CHD7: variants seen among roughly 807,000 people sequenced by gnomAD.
The protein encoded by CHD7 is chromodomain helicase DNA binding protein 7, also known as ATP-dependent chromatin remodeler CHD7.
A neutral mutation model predicts 307.3 loss-of-function variants in CHD7; 24 were observed. The observed-to-expected ratio is 0.08, with a 90% confidence interval of 0.06 to 0.11. The LOEUF (loss-of-function observed/expected upper bound fraction) is 0.11. CHD7 is among the 10% of genes least tolerant of loss of function. The pLI is 1.00. For synonymous variants in CHD7, 1,363 were observed against 1,349.9 expected, an observed-to-expected ratio of 1.01 and a Z score of -0.21; for missense variants, 3,106 against 3,727.1, an observed-to-expected ratio of 0.83 and a Z score of 4.34.
At chr8:60,791,055 A>G (rs1811751064) in intron 3 of CHD7, among the ~76,000 whole-genome samples, 1 of 152,226 alleles carries the variant, frequency 6.6e-6, no homozygotes. Context: ...TGGTACACCC[A>G]TATGGAGAAT....
At chr8:60,795,245 A>G (rs1400604403) in intron 4 of CHD7, 118 bp downstream of exon 4, 4 of 983,962 alleles carry the variant, frequency 4.1e-6, no homozygotes, top group Non-Finnish European at 5.9e-6. Context: ...AGATGTCTTT[A>G]TTGTAGTCTG....
rs149274076 is a variant in CHD7, at chr8:60,782,554, A to G, written c.2096+1124A>G. On this transcript the variant is annotated intron_variant, in intron 3 of 37. Transcript: ENST00000423902. ...AGCCATTTAGGAAATTTTGCCCTCA[A>G]CACCTTTTATGGTGCCAAAGTAACT... 4.3e-4 allele frequency among the ~76,000 whole-genome samples: 66 copies of G among 152,306 alleles called. No homozygotes were observed. The East Asian group carries it at 9.1e-3, about 21-fold the overall frequency.
At chr8:60,788,715 A>ATCTGGGCAGCGCACTGGG (rs1440074999) in intron 3 of CHD7, among the ~76,000 whole-genome samples, 8 of 152,184 alleles carry the variant, frequency 5.3e-5, no homozygotes, top group Non-Finnish European at 7.4e-5. Flanking sequence ...AGGATTGCAG[A>ATCTGGGCAGCGCACTGGG]CATCTGGGCA....
chr8:60,833,000 A>C (rs113410998), intron 15 of CHD7, among the ~76,000 whole-genome samples: 15 of 152,248 alleles, frequency 9.9e-5, no homozygotes, highest in Middle Eastern at 3.4e-3. Context: ...AAGTGTAGAT[A>C]ACATACAAAC....
At chr8:60,764,635 C>A (rs759124592) in intron 2 of CHD7, among the ~76,000 whole-genome samples, 1 of 152,178 alleles carries the variant, frequency 6.6e-6, no homozygotes, top group African/African-American at 2.4e-5. Flanking sequence ...TTCATTCATT[C>A]ATTCATTCAC....
chr8:60,829,007 T>C (rs1225792541), intron 14 of CHD7, among the ~76,000 whole-genome samples: 4 of 152,238 alleles, frequency 2.6e-5, no homozygotes, highest in Non-Finnish European at 5.9e-5. Flanking sequence ...TTTTTGCTCT[T>C]GTGAAGGGCT....
In CHD7 at chr8:60,856,365, TC is replaced by T. The variant is rs1805707115; in HGVS notation, c.7165-78del. On this transcript the variant is annotated intron_variant, in intron 33 of 37. Transcript: ENST00000423902. ...ATGCTTAATTCCTTAAGCTTCTTGT[TC>T]CTTATTTCTAAAAGCCAGCCCATAT... 1.7e-5 allele frequency: 23 copies of T among 1,378,536 alleles called. No individual in the cohort carries two copies. The South Asian group carries it at 3.4e-4, about 21-fold the overall frequency. The allele number at this position is 1,378,536 out of a possible 1,614,324, so 85.4% of individuals were successfully genotyped here.
chr8:60,811,803 GT>G (rs1384396056), intron 7 of CHD7, among the ~76,000 whole-genome samples: 2 of 151,984 alleles, frequency 1.3e-5, no homozygotes, highest in East Asian at 3.8e-4. Flanking sequence ...TGTCAACAAA[GT>G]ATGCAAACAC....
chr8:60,835,933 A>C, intron 15 of CHD7, 140 bp from the exon 16 acceptor site: 2 of 648,582 alleles, frequency 3.1e-6, no homozygotes, highest in Admixed American at 5.3e-5. Flanking sequence ...AACTATGAGT[A>C]AGTGGATGGA....
At chr8:60,840,607 C>T (rs976509207) in intron 19 of CHD7, among the ~76,000 whole-genome samples, 2 of 143,982 alleles carry the variant, frequency 1.4e-5, no homozygotes, top group Non-Finnish European at 3.0e-5. Context: ...ATAATTTTAC[C>T]TTTTAAAGAA....
chr8:60,848,905 T>G, intron 24 of CHD7, 146 bp from the exon 25 acceptor site: 1 of 704,496 alleles, frequency 1.4e-6, no homozygotes, highest in Admixed American at 2.1e-5. Context: ...GGCTACTGAC[T>G]CATGCCCTTT....
At chr8:60,831,537 C>G (rs1005284518) in intron 15 of CHD7, among the ~76,000 whole-genome samples, 2 of 151,840 alleles carry the variant, frequency 1.3e-5, no homozygotes, top group African/African-American at 4.8e-5. Context: ...ACTCTGCAGG[C>G]AGTGAAGAAC....
chr8:60,707,121 A>G (rs1376824539), intron 1 of CHD7, among the ~76,000 whole-genome samples: 2 of 152,212 alleles, frequency 1.3e-5, no homozygotes, highest in African/African-American at 2.4e-5. Context: ...AAATGACACT[A>G]TTAAGATTCT....
intron 21 of CHD7, among the ~76,000 whole-genome samples, chr8:60,842,739 G>A (rs996885392): frequency 6.6e-6 from 1 of 152,102 alleles, no homozygotes; most frequent in Non-Finnish European, 1.5e-5. Context: ...ATCTGATGAC[G>A]TCCTGTCTTG....
At chr8:60,826,626 G>C (rs781067148) in intron 13 of CHD7, among the ~76,000 whole-genome samples, 1 of 152,194 alleles carries the variant, frequency 6.6e-6, no homozygotes, top group Admixed American at 6.5e-5. Context: ...CAGAAAGGAC[G>C]ACCAATGAGT....
At chr8:60,722,468 A>G (rs1188176483) in intron 1 of CHD7, among the ~76,000 whole-genome samples, 2 of 152,244 alleles carry the variant, frequency 1.3e-5, no homozygotes, top group Non-Finnish European at 2.9e-5. Flanking sequence ...ATCAACCAGT[A>G]ATAAGGTTGC....
At chr8:60,692,129 T>C (rs990612444) in intron 1 of CHD7, among the ~76,000 whole-genome samples, 1 of 152,248 alleles carries the variant, frequency 6.6e-6, no homozygotes, top group Non-Finnish European at 1.5e-5. Flanking sequence ...AATATGCTTG[T>C]CCATCATTCA....
At chr8:60,771,645 A>G (rs1379056012) in intron 2 of CHD7, among the ~76,000 whole-genome samples, 2 of 129,938 alleles carry the variant, frequency 1.5e-5, no homozygotes, top group African/African-American at 5.7e-5. Flanking sequence ...GTCAGACGTC[A>G]TTAGGACTGT....
At chr8:60,721,434 C>T (rs1389606140) in intron 1 of CHD7, among the ~76,000 whole-genome samples, 3 of 152,160 alleles carry the variant, frequency 2.0e-5, no homozygotes, top group Admixed American at 6.5e-5. Flanking sequence ...CTTCCAGTCT[C>T]CAGAACTGTG....
Sources: allele counts gnomAD v4.1 joint callset (sites outside exome capture counted in the v4.1 genomes callset), GRCh38; gene constraint gnomAD v4.1.1; transcripts MANE v1.5; gene names NCBI Gene and HGNC (gene_info 2026-07-23, HGNC 2026-07-21).